The following LEMD1 variants were observed in gnomAD, a reference collection of about 807,000 sequenced individuals.
The protein encoded by LEMD1 is LEM domain-containing protein 1.
LEMD1 carries 18 observed loss-of-function variants against 17.4 expected under a neutral mutation model. The ratio of observed to expected loss-of-function variants is 1.04; its 90% CI spans 0.72 to 1.54. LEMD1 has a LOEUF of 1.54. Among genes scored for constraint, LEMD1 ranks in the 40% most tolerant of loss-of-function variants. The pLI, the probability that LEMD1 is intolerant of heterozygous loss-of-function variation, is 0.00. For missense variants in LEMD1, 195 were observed against 210.4 expected, an observed-to-expected ratio of 0.93 and a Z score of 0.45; for synonymous variants, 88 against 77.8, an observed-to-expected ratio of 1.13 and a Z score of -0.69.
intron 4 of LEMD1, chr1:205,385,873 G>A (rs1193531588): frequency 6.6e-6 from 1 of 152,336 alleles, no homozygotes; most frequent in Non-Finnish European, 1.5e-5. Context: ...TCAGGAACTG[G>A]AGAATTCCCA....
intron 4 of LEMD1, among the ~76,000 whole-genome samples, 180 bp from the exon 5 acceptor site, chr1:205,384,544 A>G (rs992162610): frequency 6.6e-6 from 1 of 152,230 alleles, no homozygotes; most frequent in African/African-American, 2.4e-5. Flanking sequence ...AAAACATCTA[A>G]GTTCCATGGA....
intron 4 of LEMD1, among the ~76,000 whole-genome samples, chr1:205,390,750 C>T (rs1462720514): frequency 6.6e-6 from 1 of 152,110 alleles, no homozygotes; most frequent in African/African-American, 2.4e-5. Flanking sequence ...AAATTAAAAG[C>T]CTACCTACTA....
chr1:205,389,505 T>C (rs189629038), intron 4 of LEMD1, among the ~76,000 whole-genome samples: 1 of 152,284 alleles, frequency 6.6e-6, no homozygotes, highest in African/African-American at 2.4e-5. Flanking sequence ...CAATTAAGGG[T>C]AGTCAAGAAA....
chr1:205,432,495 A>G (rs184446441), intron 1 of LEMD1, among the ~76,000 whole-genome samples: 1 of 152,370 alleles, frequency 6.6e-6, no homozygotes, highest in East Asian at 1.9e-4. Flanking sequence ...ACAAACCCCA[A>G]GAGATCAAAA....
intron 1 of LEMD1, among the ~76,000 whole-genome samples, chr1:205,427,617 G>A (rs936410264): frequency 6.6e-6 from 1 of 152,152 alleles, no homozygotes; most frequent in Admixed American, 6.6e-5. Flanking sequence ...CCAAGATGGC[G>A]AGAACATTGT....
intron 1 of LEMD1, among the ~76,000 whole-genome samples, chr1:205,449,293 C>T (rs993411523): frequency 2.6e-5 from 4 of 152,160 alleles, no homozygotes; most frequent in Admixed American, 6.5e-5. Context: ...GCTCCCATGA[C>T]GGGTCAGCTG....
At chr1:205,419,758 G>T (rs73070644) in intron 2 of LEMD1, among the ~76,000 whole-genome samples, 2 of 152,046 alleles carry the variant, frequency 1.3e-5, no homozygotes, top group Admixed American at 6.6e-5. Flanking sequence ...GAGCCACTGC[G>T]CCCTGCCCAA....
chr1:205,407,893 G>T (rs1280251105), intron 4 of LEMD1, among the ~76,000 whole-genome samples: 1 of 152,126 alleles, frequency 6.6e-6, no homozygotes, highest in South Asian at 2.1e-4. Flanking sequence ...TTGGAGAACT[G>T]GTTGGCATGA....
chr1:205,388,617 A>G (rs1157034411), intron 4 of LEMD1, among the ~76,000 whole-genome samples: 1 of 152,250 alleles, frequency 6.6e-6, no homozygotes, highest in Non-Finnish European at 1.5e-5. Flanking sequence ...AGGCATAGCT[A>G]TAATTTAAAC....
chr1:205,417,957 C>T (rs112030784), intron 3 of LEMD1, among the ~76,000 whole-genome samples: 2 of 152,126 alleles, frequency 1.3e-5, no homozygotes, highest in African/African-American at 4.8e-5. Context: ...AGTTCTCTCA[C>T]TTTCTTTCAT....
intron 4 of LEMD1, among the ~76,000 whole-genome samples, chr1:205,395,542 C>A (rs182909709): frequency 6.8e-6 from 1 of 148,020 alleles, no homozygotes; most frequent in African/African-American, 2.5e-5. Context: ...TGCGGTGAGC[C>A]AAGATCATGC....
At chr1:205,443,039 C>T (rs1023357221) in intron 1 of LEMD1, among the ~76,000 whole-genome samples, 4 of 152,216 alleles carry the variant, frequency 2.6e-5, no homozygotes, top group Admixed American at 6.5e-5. Flanking sequence ...TAACTTGATC[C>T]GGAAGGAGGG....
At chr1:205,413,933 G>A (rs1356462515) in intron 4 of LEMD1, among the ~76,000 whole-genome samples, 1 of 152,102 alleles carries the variant, frequency 6.6e-6, no homozygotes, top group African/African-American at 2.4e-5. Flanking sequence ...ACTCACAGAA[G>A]TGGCCATTGA....
intron 4 of LEMD1, 71 bp from the exon 5 acceptor site, chr1:205,384,435 T>G (rs536875765): frequency 1.9e-6 from 2 of 1,035,658 alleles, no homozygotes; most frequent in Non-Finnish European, 2.7e-6. Context: ...TTGGTTTTTA[T>G]TCTAGAAAAA....
rs560996618 is a variant in LEMD1, at chr1:205,445,210, G to A, written c.-39+4658C>T. ...CCTCCCTCTCCCTCTCCCTCTGGCC[G>A]CCACGGAGCCTCCTTCCCCACCCCT... On this transcript the variant is annotated intron_variant, in intron 1 of 3. Transcript: ENST00000367154. 8.5e-5 allele frequency among the ~76,000 whole-genome samples: 13 copies of A among 152,176 alleles called. No homozygotes were observed. The South Asian group carries it at 2.5e-3, about 29-fold the overall frequency.
intron 1 of LEMD1, chr1:205,437,127 A>G (rs1666222997): frequency 6.6e-6 from 1 of 152,454 alleles, no homozygotes; most frequent in South Asian, 2.1e-4. Flanking sequence ...TAGACAGGAC[A>G]AACTCCAGCC....
At chr1:205,423,362 G>T (rs1666011137), upstream of LEMD1, among the ~76,000 whole-genome samples, 1 of 152,314 alleles carries the variant, frequency 6.6e-6, no homozygotes. Context: ...GCAAATAAAT[G>T]ATAGGCTTGG....
intron 1 of LEMD1, among the ~76,000 whole-genome samples, chr1:205,439,176 C>T (rs188266597): frequency 3.6e-4 from 55 of 152,354 alleles, no homozygotes; most frequent in Admixed American, 2.3e-3. Context: ...AAGGCCTCTA[C>T]TATCCAAGAG....
chr1:205,391,646 G>A (rs1052000901), intron 4 of LEMD1, among the ~76,000 whole-genome samples: 1 of 152,134 alleles, frequency 6.6e-6, no homozygotes, highest in Non-Finnish European at 1.5e-5. Context: ...GCACATGGGA[G>A]CCCTCCCAGC....
Sources: allele counts gnomAD v4.1 joint callset (sites outside exome capture counted in the v4.1 genomes callset), GRCh38; gene constraint gnomAD v4.1.1; transcripts MANE v1.5; gene names NCBI Gene and HGNC (gene_info 2026-07-23, HGNC 2026-07-21).